SF3B1: variants seen among roughly 807,000 people sequenced by gnomAD.
SF3B1 encodes the protein splicing factor 3b subunit 1, also known as pre-mRNA processing 10.
In SF3B1, 12 loss-of-function variants were observed where a neutral mutation model predicts 153.8. The ratio of observed to expected loss-of-function variants is 0.08; its 90% CI spans 0.05 to 0.13. The LOEUF (loss-of-function observed/expected upper bound fraction) is 0.13. Ranked by LOEUF, SF3B1 falls within the 10% of genes least tolerant of loss-of-function variation. SF3B1 has a pLI of 1.00. For missense variants in SF3B1, 513 were observed against 1,606.1 expected (o/e 0.32, Z 11.63); for synonymous variants, 498 against 525.2 (o/e 0.95, Z 0.71).
rs572908234 is a variant in SF3B1, at chr2:197,411,854, T to C, written c.667-1847A>G. Among the ~76,000 whole-genome samples, 739 of 152,060 alleles carry C rather than the reference T, an allele frequency of 4.9e-3. 7 individuals are homozygous for C. Among genetic ancestry groups the C allele is most frequent in the Non-Finnish European group, 6.5e-3 (439 of 67,968 alleles). On this transcript the variant is annotated intron_variant, in intron 6 of 24. Coordinates refer to ENST00000335508, the MANE Select transcript of SF3B1 (RefSeq NM_012433.4). The stretch of plus-strand genomic sequence containing the variant: ...GGTTCATGCCTGTAATCCCAGCACT[T>C]TGGGAGGCCAGGCAGGCAGATCAAT...
Position 197,428,079 on chromosome 2 carries a change from C to T in SF3B1, c.29-4105G>A, listed in dbSNP as rs374265810. Among the ~76,000 whole-genome samples, 185 of 151,854 alleles carry T rather than the reference C, an allele frequency of 1.2e-3. 6 individuals carry two copies. The South Asian group carries it at 0.03, about 25-fold the overall frequency. On this transcript the variant is annotated intron_variant, in intron 1 of 24. Transcript: ENST00000335508. ...AATGAGGCTGGGCACTTTGGGATGC[C>T]CAGGCAGGCAGATCACTTGAGTTCA...
rs765680652 is a variant in SF3B1, at chr2:197,398,625, CT to C, written c.3014-45del. The C allele has an allele frequency of 4.4e-6, 7 of 1,574,268 alleles. No individual in the cohort carries two copies. The South Asian group carries it at 7.9e-5, about 18-fold the overall frequency. ...TAAACTATCAACATTTGAATTGCAA[CT>C]TTTGTTCACTTTCCTTTTACTTAGC... On this transcript the variant is annotated intron_variant, in intron 20 of 24. Coordinates refer to ENST00000335508, the MANE Select transcript of SF3B1 (RefSeq NM_012433.4).
At chr2:197,411,970 T>C (rs2085075006) in intron 6 of SF3B1, among the ~76,000 whole-genome samples, 1 of 151,552 alleles carries the variant, frequency 6.6e-6, no homozygotes, top group Non-Finnish European at 1.5e-5. Flanking sequence ...AATAGCTGGG[T>C]GTGGTGGTGC....
chr2:197,425,812 C>T (rs1022620962), intron 1 of SF3B1, among the ~76,000 whole-genome samples: 2 of 151,868 alleles, frequency 1.3e-5, no homozygotes, highest in African/African-American at 4.8e-5. Flanking sequence ...CCAGCCTGGG[C>T]GACATGGCAA....
Position 197,409,926 on chromosome 2 carries a change from C to T in SF3B1, c.748G>A (p.Gly250Ser). 1 of 1,614,174 alleles carries T rather than the reference C, an allele frequency of 6.2e-7. No individual in the cohort carries two copies. Among genetic ancestry groups the T allele is most frequent in the Non-Finnish European group, 8.5e-7 (1 of 1,180,038 alleles). ...GGTGTAGGATCCCATATTTTTGAGC[C>T]TGGGGTTGCTCCAGGAGTCTCGCTT... ...KGSETPGATP[G>S]SKIWDPTPSH... Residue 250 changes from glycine to serine, a missense_variant, in exon 7 of 25, where the codon GGC becomes AGC. Physicochemically the swap from Gly to Ser is moderately conservative, Grantham distance 56. Coordinates refer to ENST00000335508, the MANE Select transcript of SF3B1 (RefSeq NM_012433.4).
intron 11 of SF3B1, 23 bp from the exon 12 acceptor site, chr2:197,403,787 A>C (rs771200510): frequency 6.5e-7 from 1 of 1,534,616 alleles, no homozygotes; most frequent in Non-Finnish European, 8.7e-7. Context: ...GCAGAGTAAT[A>C]GGTGTGGTTT....
In SF3B1 at chr2:197,402,096, G is replaced by A. The variant is rs2105985451; in HGVS notation, c.2112C>T (p.Ile704=). The change falls in exon 15 of 25, where the codon ATC becomes ATT. Residue 704 remains isoleucine, a synonymous_variant. Transcript: ENST00000335508. The surrounding 1 kb of genome is among the most constrained non-coding windows in gnomAD (Gnocchi z 4.6). The part of the protein sequence containing the change: ...LVDEQQKVRT[I]SALAIAALAE... ...CCAAGGCAGCAATGGCCAAAGCACT[G>A]ATGGTCCGAACTTTCTGCTGCTCAT... 6.2e-7 allele frequency: 1 copy of A among 1,610,088 alleles called. No individual in the cohort carries two copies. Among genetic ancestry groups the A allele is most frequent in the Non-Finnish European group, 8.5e-7 (1 of 1,177,716 alleles).
intron 1 of SF3B1, 87 bp downstream of exon 1, chr2:197,434,885 A>C: frequency 7.0e-7 from 1 of 1,429,914 alleles, no homozygotes; most frequent in East Asian, 2.3e-5. Flanking sequence ...TACGAAAGAA[A>C]CCATAGAAAA....
intron 21 of SF3B1, 89 bp downstream of exon 21, chr2:197,398,372 G>A: frequency 2.2e-6 from 3 of 1,341,636 alleles, no homozygotes; most frequent in Non-Finnish European, 3.2e-6. Flanking sequence ...TTATATTAGT[G>A]ACATTAAGGA....
chr2:197,434,373 A>G (rs1016713994), intron 1 of SF3B1, among the ~76,000 whole-genome samples: 1 of 152,212 alleles, frequency 6.6e-6, no homozygotes, highest in African/African-American at 2.4e-5. Context: ...CTGCTCCTCC[A>G]ATAACCAGTC....
At chr2:197,411,444 C>T (rs1393699564) in intron 6 of SF3B1, among the ~76,000 whole-genome samples, 4 of 151,224 alleles carry the variant, frequency 2.6e-5, no homozygotes, top group African/African-American at 7.3e-5. Context: ...GAGGCCGAGG[C>T]GGGCGGATCA....
intron 22 of SF3B1, among the ~76,000 whole-genome samples, chr2:197,397,159 T>A (rs2084884432): frequency 6.6e-6 from 1 of 152,206 alleles, no homozygotes; most frequent in Admixed American, 6.5e-5. Flanking sequence ...GGAGTAATGT[T>A]AGAATAGCAT....
intron 2 of SF3B1, 144 bp from the exon 3 acceptor site, chr2:197,421,277 A>C (rs2085237792): frequency 1.8e-6 from 1 of 548,990 alleles, no homozygotes; most frequent in African/African-American, 2.0e-5. Context: ...TAGAAACACA[A>C]TTGGTCTTCT....
upstream of SF3B1, chr2:197,435,072 A>C (rs2106031480): frequency 6.2e-7 from 1 of 1,612,362 alleles, no homozygotes; most frequent in South Asian, 1.1e-5. Context: ...CCACGGAGAA[A>C]AATAGCTGGG....
chr2:197,418,679 G>A, intron 4 of SF3B1, 91 bp from the exon 5 acceptor site: 1 of 1,496,290 alleles, frequency 6.7e-7, no homozygotes, highest in Non-Finnish European at 8.9e-7. Flanking sequence ...TAAATATTAT[G>A]TTATTCCATA....
At chr2:197,417,250 A>C (rs1281919534) in intron 5 of SF3B1, among the ~76,000 whole-genome samples, 1 of 152,222 alleles carries the variant, frequency 6.6e-6, no homozygotes, top group African/African-American at 2.4e-5. Context: ...TATAAATAGC[A>C]ATTAAGACTA....
chr2:197,429,944 A>G (rs960796327), intron 1 of SF3B1, among the ~76,000 whole-genome samples: 2 of 152,132 alleles, frequency 1.3e-5, no homozygotes, highest in African/African-American at 4.8e-5. Context: ...GAAGGAGGGA[A>G]CCAGTTTAGA....
intron 5 of SF3B1, 75 bp from the exon 6 acceptor site, chr2:197,416,986 C>T: frequency 1.4e-6 from 2 of 1,393,114 alleles, no homozygotes; most frequent in Non-Finnish European, 2.0e-6. Context: ...ATCACTTCCA[C>T]TTAACATCCT....
At chr2:197,433,312 G>A (rs1050235194) in intron 1 of SF3B1, among the ~76,000 whole-genome samples, 1 of 152,152 alleles carries the variant, frequency 6.6e-6, no homozygotes. Flanking sequence ...CCAATGAATA[G>A]CAATAGACCA....
Sources: gnomAD v4.1 joint callset for allele counts (sites outside exome capture counted in the v4.1 genomes callset) on GRCh38, gnomAD v4.1.1 for gene constraint, Gnocchi (gnomAD v3.1) non-coding constraint, MANE v1.5 for transcripts, NCBI Gene and HGNC (gene_info 2026-07-23, HGNC 2026-07-21) for gene names.